COLEC11: variants seen among roughly 807,000 people sequenced by gnomAD.
The protein encoded by COLEC11 is collectin subfamily member 11, also known as collectin-11.
In COLEC11, 20 loss-of-function variants were observed where a neutral mutation model predicts 27.3. The ratio of observed to expected loss-of-function variants is 0.73; its 90% CI spans 0.51 to 1.06. The LOEUF (loss-of-function observed/expected upper bound fraction) is 1.06, where lower values mean the gene tolerates loss of function less well. Among genes scored for constraint, COLEC11 ranks in the 50% least tolerant of loss-of-function variants. The pLI, the probability that COLEC11 is intolerant of heterozygous loss-of-function variation, is 0.00. For missense variants in COLEC11, 310 were observed against 383.0 expected, an observed-to-expected ratio of 0.81 and a Z score of 1.59; for synonymous variants, 163 against 154.7, an observed-to-expected ratio of 1.05 and a Z score of -0.40.
chr2:3,632,795 G>A lies in COLEC11; in HGVS notation c.203-4738G>A, dbSNP rs557271415. 6.6e-5 allele frequency among the ~76,000 whole-genome samples: 10 copies of A among 152,276 alleles called. No homozygotes were observed. The East Asian group carries it at 1.4e-3, about 21-fold the overall frequency. ...AAGATGGAAAAATGAGCAGAATCCC[G>A]GGACCCCCACTGAGTCCCCACTTGG... On this transcript the variant is annotated intron_variant, in intron 3 of 6. Coordinates refer to ENST00000349077, the MANE Select transcript of COLEC11 (RefSeq NM_024027.5).
intron 3 of COLEC11, among the ~76,000 whole-genome samples, chr2:3,634,991 C>T (rs1665278550): frequency 6.6e-6 from 1 of 151,758 alleles, no homozygotes; most frequent in African/African-American, 2.4e-5. Context: ...CCCCCAGCTC[C>T]TCTTCCTCAC....
intron 1 of COLEC11, among the ~76,000 whole-genome samples, chr2:3,597,945 A>AT (rs1661969571): frequency 1.3e-5 from 2 of 151,506 alleles, no homozygotes; most frequent in South Asian, 4.2e-4. Flanking sequence ...TATTTATTTC[A>AT]TTTTTTTGAG....
intron 1 of COLEC11, chr2:3,603,577 A>T (rs1045764764): frequency 6.7e-7 from 1 of 1,497,946 alleles, no homozygotes. Flanking sequence ...TCAGCCTCCC[A>T]AAGTGCTGGA....
chr2:3,608,622 AG>A (rs566978843), intron 2 of COLEC11, among the ~76,000 whole-genome samples: 104 of 152,324 alleles, frequency 6.8e-4, no homozygotes, highest in Non-Finnish European at 1.1e-3. Context: ...CAGGAGTTTG[AG>A]TCTACCCAGG....
chr2:3,638,822 T>A (rs1230036468), intron 4 of COLEC11, among the ~76,000 whole-genome samples: 1 of 152,250 alleles, frequency 6.6e-6, no homozygotes, highest in African/African-American at 2.4e-5. Context: ...AAAATACTTA[T>A]ATCCCCAAAC....
chr2:3,615,938 T>C (rs867670328), intron 3 of COLEC11, among the ~76,000 whole-genome samples: 2,798 of 91,290 alleles, frequency 0.031, 125 homozygotes, highest in African/African-American at 0.075. Flanking sequence ...GGCTGCCGGG[T>C]GGAGATGCTC....
intron 3 of COLEC11, among the ~76,000 whole-genome samples, chr2:3,633,359 A>C (rs893242373): frequency 5.3e-5 from 8 of 152,196 alleles, no homozygotes; most frequent in African/African-American, 1.9e-4. Context: ...CCTGAGAGTG[A>C]GTTGAGAGCA....
Position 3,616,604 on chromosome 2 carries a change from C to T in COLEC11, c.202+3222C>T, listed in dbSNP as rs139630953. Among the ~76,000 whole-genome samples the T allele has an allele frequency of 2.8e-3, 424 of 152,378 alleles. 2 individuals carry two copies. The highest frequency in any genetic ancestry group is 9.6e-3 in the African/African-American group (398 of 41,592). On this transcript the variant is annotated intron_variant, in intron 3 of 6. Coordinates refer to ENST00000349077, the MANE Select transcript of COLEC11 (RefSeq NM_024027.5). ...AAACCCCGTCTCCACCAAAAAAATA[C>T]GAAAACCAGTCAGGCATGGCGGCGC...
At chr2:3,597,230 A>G (rs1399143957) in intron 1 of COLEC11, among the ~76,000 whole-genome samples, 1 of 151,526 alleles carries the variant, frequency 6.6e-6, no homozygotes, top group African/African-American at 2.4e-5. Flanking sequence ...TCAGTGAATG[A>G]ATGGAGTGAA....
chr2:3,643,495 A>G lies in COLEC11; in HGVS notation c.380A>G (p.Asn127Ser), dbSNP rs140714003. 22 of 1,613,812 alleles carry G rather than the reference A, an allele frequency of 1.4e-5. No individual in the cohort carries two copies. Among genetic ancestry groups the G allele is most frequent in the Middle Eastern group, 3.3e-4 (2 of 6,084 alleles). Residue 127 changes from asparagine to serine, a missense_variant, in exon 6 of 7, where the codon AAC becomes AGC. Physicochemically the swap from Asn to Ser is conservative, Grantham distance 46. Coordinates refer to ENST00000349077, the MANE Select transcript of COLEC11 (RefSeq NM_024027.5). ...CGCAAGGCCATCGGGGAGATGGACA[A>G]CCAGGTCTCTCAGCTGACCAGCGAG... ...QLRKAIGEMD[N>S]QVSQLTSELK... is the part of the protein sequence containing the mutation.
intron 5 of COLEC11, among the ~76,000 whole-genome samples, chr2:3,642,823 G>T (rs1665970093): frequency 6.6e-6 from 1 of 152,166 alleles, no homozygotes; most frequent in East Asian, 1.9e-4. Context: ...CCCACGGCCT[G>T]CAGGTGCTCC....
chr2:3,614,416 T>G (rs569176799), intron 3 of COLEC11, among the ~76,000 whole-genome samples: 51 of 152,278 alleles, frequency 3.3e-4, no homozygotes, highest in African/African-American at 1.2e-3. Flanking sequence ...CCATACGCTG[T>G]TTTTTGAAAC....
intron 3 of COLEC11, chr2:3,626,159 A>T: frequency 1.5e-6 from 2 of 1,295,052 alleles, no homozygotes; most frequent in Non-Finnish European, 2.2e-6. Context: ...ATAGGCAACC[A>T]CTCTTCCCAT....
chr2:3,612,593 G>A (rs186289395), intron 2 of COLEC11, among the ~76,000 whole-genome samples: 48 of 152,286 alleles, frequency 3.2e-4, no homozygotes, highest in African/African-American at 1.1e-3. Flanking sequence ...ATTTGTTTCA[G>A]GACAGTCATT....
At chr2:3,632,361 C>G (rs577297344) in intron 3 of COLEC11, among the ~76,000 whole-genome samples, 1 of 152,208 alleles carries the variant, frequency 6.6e-6, no homozygotes, top group East Asian at 1.9e-4. Flanking sequence ...CAGCGGGCAG[C>G]TTCCAGGACA....
chr2:3,600,132 A>G (rs1572379563), intron 1 of COLEC11, among the ~76,000 whole-genome samples: 1 of 151,250 alleles, frequency 6.6e-6, no homozygotes, highest in East Asian at 2.0e-4. Flanking sequence ...CTACTTGCGA[A>G]GCTGAGGCGG....
chr2:3,623,662 A>G (rs1375712606), intron 3 of COLEC11, among the ~76,000 whole-genome samples: 1 of 151,928 alleles, frequency 6.6e-6, no homozygotes, highest in Non-Finnish European at 1.5e-5. Context: ...TTTTTTAAAA[A>G]AAAATCTCTA....
At chr2:3,633,110 C>T (rs1665132834) in intron 3 of COLEC11, among the ~76,000 whole-genome samples, 1 of 152,228 alleles carries the variant, frequency 6.6e-6, no homozygotes, top group African/African-American at 2.4e-5. Context: ...AGAAGCGGCC[C>T]ACAGGCCCCA....
chr2:3,609,038 C>A (rs1662962354), intron 2 of COLEC11, among the ~76,000 whole-genome samples: 2 of 152,256 alleles, frequency 1.3e-5, no homozygotes, highest in African/African-American at 4.8e-5. Context: ...ACTGCAGGCA[C>A]AGCCGTGAGG....
Sources: allele counts gnomAD v4.1 joint callset (sites outside exome capture counted in the v4.1 genomes callset), GRCh38; gene constraint gnomAD v4.1.1; transcripts MANE v1.5; gene names NCBI Gene and HGNC (gene_info 2026-07-23, HGNC 2026-07-21).